The following PDE10A variants were observed in gnomAD, a reference collection of about 807,000 sequenced individuals.
PDE10A encodes the protein cAMP and cAMP-inhibited cGMP 3',5'-cyclic phosphodiesterase 10A.
Under a neutral mutation model 97.7 loss-of-function variants are expected in PDE10A, and 39 were observed. That is an observed-to-expected ratio of 0.40 (90% confidence interval 0.31 to 0.52). The LOEUF (loss-of-function observed/expected upper bound fraction) is 0.52. Ranked by LOEUF, PDE10A falls within the 20% of genes least tolerant of loss-of-function variation. The pLI is 0.56. For missense variants in PDE10A, 731 were observed against 1,047.8 expected, an observed-to-expected ratio of 0.70 and a Z score of 4.17; for synonymous variants, 371 against 376.8, an observed-to-expected ratio of 0.98 and a Z score of 0.18.
intron 1 of PDE10A, among the ~76,000 whole-genome samples, chr6:165,970,331 G>A (rs116368426): frequency 0.015 from 2,312 of 152,248 alleles, 56 homozygotes; most frequent in African/African-American, 0.053. Flanking sequence ...AAGATTAGAT[G>A]GTAGAGATGT....
chr6:165,970,553 A>C (rs1784638280), intron 1 of PDE10A, among the ~76,000 whole-genome samples: 1 of 152,230 alleles, frequency 6.6e-6, no homozygotes, highest in Non-Finnish European at 1.5e-5. Context: ...TATATAAAAA[A>C]ACTGTTTAAA....
At chr6:165,484,838 A>G (rs1372262100) in intron 2 of PDE10A, among the ~76,000 whole-genome samples, 1 of 152,012 alleles carries the variant, frequency 6.6e-6, no homozygotes, top group African/African-American at 2.4e-5. Context: ...TACCACTTCC[A>G]TCTGCACCTC....
In PDE10A at chr6:165,661,664, T is replaced by A. The variant is rs1166420197; in HGVS notation, c.865+283A>T. 4.9e-6 allele frequency: 2 copies of A among 407,844 alleles called. No homozygotes were observed. The highest frequency in any genetic ancestry group is 8.6e-6 in the Non-Finnish European group (2 of 231,872). The allele number at this position is 407,844 out of a possible 1,614,324, so 25.3% of individuals were successfully genotyped here. On this transcript the variant is annotated intron_variant, in intron 1 of 21. Coordinates refer to ENST00000539869, the MANE Select transcript of PDE10A (RefSeq NM_001385079.1). This position sits in a 1 kb window ranked among gnomAD's most constrained non-coding sequence, Gnocchi z 4.8. ...GAGGGGCGGAGAAGGAGGCGGCAGGTCCCGCTCGCAACGTCCAAGCTCCCG... is the reference window on the plus strand; with the variant it reads ...GAGGGGCGGAGAAGGAGGCGGCAGGACCCGCTCGCAACGTCCAAGCTCCCG...
chr6:165,913,486 T>C (rs1782520617), intron 1 of PDE10A, among the ~76,000 whole-genome samples: 1 of 152,256 alleles, frequency 6.6e-6, no homozygotes, highest in African/African-American at 2.4e-5. Context: ...ATGTAAATGC[T>C]ATGTAAATAA....
At chr6:165,579,465 A>T (rs1275338946) in intron 1 of PDE10A, among the ~76,000 whole-genome samples, 1 of 152,158 alleles carries the variant, frequency 6.6e-6, no homozygotes, top group Non-Finnish European at 1.5e-5. Context: ...CTGACTCTTC[A>T]TTGTCTCTCA....
chr6:165,746,834 A>T (rs1792854824), intron 1 of PDE10A, among the ~76,000 whole-genome samples: 1 of 152,238 alleles, frequency 6.6e-6, no homozygotes, highest in Non-Finnish European at 1.5e-5. Context: ...ATATAGAACT[A>T]ATGAGTTATA....
chr6:165,504,236 A>T (rs1781063653), intron 2 of PDE10A, among the ~76,000 whole-genome samples: 1 of 152,168 alleles, frequency 6.6e-6, no homozygotes, highest in Non-Finnish European at 1.5e-5. Context: ...TAAAGAGAGA[A>T]AAAAGGTCAT....
intron 1 of PDE10A, among the ~76,000 whole-genome samples, chr6:165,735,537 G>A (rs1792554508): frequency 1.3e-5 from 2 of 152,038 alleles, no homozygotes; most frequent in Non-Finnish European, 2.9e-5. Flanking sequence ...TATGGAGGGT[G>A]GCAAGTTCAA....
At chr6:165,403,128 T>C (rs1267364882) in intron 13 of PDE10A, among the ~76,000 whole-genome samples, 1 of 152,192 alleles carries the variant, frequency 6.6e-6, no homozygotes, top group Non-Finnish European at 1.5e-5. Context: ...TTCAATGGAA[T>C]AACACGGGGA....
At chr6:165,971,863 A>G (rs1262996492) in intron 1 of PDE10A, among the ~76,000 whole-genome samples, 1 of 152,074 alleles carries the variant, frequency 6.6e-6, no homozygotes, top group African/African-American at 2.4e-5. Context: ...CTCTGTACCT[A>G]TCAAATCTAG....
Position 165,332,838 on chromosome 6 carries a change from G to A in PDE10A, c.*187C>T, listed in dbSNP as rs1781414776. ...GTCCTGGTTGCTCAGTGTCTATGAT[G>A]CCTCACAGAAGAGATTGGCAGGAAG... On this transcript the variant is annotated 3_prime_UTR_variant, in exon 22 of 22. Coordinates refer to ENST00000539869, the MANE Select transcript of PDE10A (RefSeq NM_001385079.1). The A allele has an allele frequency of 1.8e-6, 1 of 569,122 alleles. No individual in the cohort carries two copies. Among genetic ancestry groups the A allele is most frequent in the Non-Finnish European group, 3.1e-6 (1 of 320,758 alleles). 35.3% of individuals were successfully genotyped at this position (569,122 alleles called of 1,614,324 possible). A position where few individuals can be genotyped will look rare whatever the true frequency, so the allele number is the denominator to read the frequency against.
chr6:165,707,297 A>G (rs1562695503), intron 1 of PDE10A, among the ~76,000 whole-genome samples: 1 of 152,180 alleles, frequency 6.6e-6, no homozygotes, highest in Non-Finnish European at 1.5e-5. Flanking sequence ...TCCTCTGCTC[A>G]GAACCACGGG....
At chr6:165,489,982 T>C (rs1038575300) in intron 2 of PDE10A, among the ~76,000 whole-genome samples, 9 of 152,220 alleles carry the variant, frequency 5.9e-5, no homozygotes, top group Admixed American at 3.3e-4. Flanking sequence ...TTGGTGTTCC[T>C]GAGGAAGAAA....
intron 18 of PDE10A, among the ~76,000 whole-genome samples, chr6:165,368,936 T>G (rs984525623): frequency 5.3e-5 from 8 of 152,218 alleles, no homozygotes; most frequent in Non-Finnish European, 2.9e-5. Flanking sequence ...TCCACTGTTC[T>G]GCAGACACCG....
At position 165,583,538 on chromosome 6, in the gene PDE10A, C is replaced by G. The variant is rs1246315473; in HGVS notation, c.866-39970G>C. On this transcript the variant is annotated intron_variant, in intron 1 of 21. Coordinates refer to ENST00000539869, the MANE Select transcript of PDE10A (RefSeq NM_001385079.1). ...TGATATAACTTCAAGGTATTCCACA[C>G]AGCATTCCTTCTAATCAAGGAACTT... Among the ~76,000 whole-genome samples the G allele has an allele frequency of 2.0e-5, 3 of 152,348 alleles. No individual in the cohort carries two copies. In the East Asian group the frequency reaches 5.8e-4, roughly 29 times the overall value.
intron 1 of PDE10A, among the ~76,000 whole-genome samples, chr6:165,704,960 C>A (rs889336381): frequency 1.3e-5 from 2 of 152,248 alleles, no homozygotes; most frequent in Admixed American, 1.3e-4. Flanking sequence ...TCCACATCTT[C>A]CCCTGTTGTG....
intron 1 of PDE10A, among the ~76,000 whole-genome samples, chr6:165,852,051 C>T (rs1780587211): frequency 6.6e-6 from 1 of 152,244 alleles, no homozygotes; most frequent in South Asian, 2.1e-4. Context: ...TGCTTAATAA[C>T]AGCTGGTGCA....
At chr6:165,937,577 T>A (rs963321480) in intron 1 of PDE10A, among the ~76,000 whole-genome samples, 3 of 152,240 alleles carry the variant, frequency 2.0e-5, no homozygotes, top group Non-Finnish European at 4.4e-5. Flanking sequence ...TTGGTACATG[T>A]CTTGACATCT....
At chr6:165,853,522 A>T (rs986534121) in intron 1 of PDE10A, among the ~76,000 whole-genome samples, 1 of 152,182 alleles carries the variant, frequency 6.6e-6, no homozygotes, top group Non-Finnish European at 1.5e-5. Context: ...TCCATTCAGG[A>T]TATTATTTTG....
Sources: allele counts gnomAD v4.1 joint callset (sites outside exome capture counted in the v4.1 genomes callset), GRCh38; gene constraint gnomAD v4.1.1; non-coding constraint Gnocchi (gnomAD v3.1); transcripts MANE v1.5; gene names NCBI Gene and HGNC (gene_info 2026-07-23, HGNC 2026-07-21).